SCFD1: variants seen among roughly 807,000 people sequenced by gnomAD.
SCFD1 encodes the protein sec1 family domain-containing protein 1.
SCFD1 carries 37 observed loss-of-function variants against 103.2 expected under a neutral mutation model. That is an observed-to-expected ratio of 0.36 (90% CI 0.28 to 0.47). SCFD1 has a LOEUF of 0.47. SCFD1 is among the 20% of genes least tolerant of loss of function. The pLI is 1.00. For synonymous variants in SCFD1, 264 were observed against 245.0 expected (o/e 1.08, Z -0.73); for missense variants, 639 against 761.2 (o/e 0.84, Z 1.89).
At chr14:30,698,823 G>A (rs1890876444) in intron 15 of SCFD1, among the ~76,000 whole-genome samples, 1 of 152,130 alleles carries the variant, frequency 6.6e-6, no homozygotes, top group African/African-American at 2.4e-5. Flanking sequence ...TCATAAAGTT[G>A]TTCATGAATT....
At chr14:30,670,993 A>C (rs1888485587) in intron 11 of SCFD1, among the ~76,000 whole-genome samples, 2 of 152,106 alleles carry the variant, frequency 1.3e-5, no homozygotes, top group Non-Finnish European at 2.9e-5. Context: ...TTATGGCTAG[A>C]GCCATCATTC....
chr14:30,717,295 GT>G (rs1892342726), intron 20 of SCFD1, among the ~76,000 whole-genome samples: 2 of 152,114 alleles, frequency 1.3e-5, no homozygotes, highest in African/African-American at 4.8e-5. Flanking sequence ...AGGCCATGTG[GT>G]GAAACCCTGT....
intron 21 of SCFD1, 67 bp from the exon 22 acceptor site, chr14:30,721,817 C>T: frequency 7.8e-7 from 1 of 1,288,024 alleles, no homozygotes; most frequent in Non-Finnish European, 1.1e-6. Flanking sequence ...TGTGTATTTC[C>T]CATACCTATT....
Position 30,649,528 on chromosome 14 carries a change from G to A in SCFD1, c.614G>A (p.Gly205Asp), listed in dbSNP as rs775683767. 5.1e-6 allele frequency: 8 copies of A among 1,575,434 alleles called. No homozygotes were observed. The highest frequency in any genetic ancestry group is 6.0e-6 in the Non-Finnish European group (7 of 1,164,024). The part of the protein sequence containing the change: ...DSLFCFFVTL[G>D]AVPIIRCSRG... The stretch of plus-strand genomic sequence containing the variant: ...TTTCTAACATTTATTGTTAAAATAG[G>A]TGCTGTTCCTATAATCAGATGTTCA... Residue 205 changes from glycine to aspartate, a missense_variant and splice_region_variant, in exon 8 of 25, where the codon GGT becomes GAT. Transcript: ENST00000458591.
chr14:30,634,994 T>C (rs561409779), intron 4 of SCFD1: 1 of 455,822 alleles, frequency 2.2e-6, no homozygotes, highest in African/African-American at 2.0e-5. Context: ...TCTAGCAAGA[T>C]TCTTTTAGCA....
intron 14 of SCFD1, among the ~76,000 whole-genome samples, chr14:30,680,344 GT>G (rs968105431): frequency 6.6e-6 from 1 of 151,730 alleles, no homozygotes; most frequent in African/African-American, 2.4e-5. Flanking sequence ...AGGATGTGGG[GT>G]TTTTTTTCTT....
chr14:30,693,441 C>T (rs1277071217), intron 14 of SCFD1, among the ~76,000 whole-genome samples: 4 of 152,112 alleles, frequency 2.6e-5, no homozygotes, highest in Admixed American at 6.5e-5. Context: ...ATCTATAAAA[C>T]TTTGGCCTTG....
At chr14:30,636,587 A>G (rs951273281) in intron 4 of SCFD1, among the ~76,000 whole-genome samples, 1 of 152,080 alleles carries the variant, frequency 6.6e-6, no homozygotes, top group Non-Finnish European at 1.5e-5. Context: ...ATTGATATCT[A>G]TGTCTTTCCT....
intron 23 of SCFD1, among the ~76,000 whole-genome samples, chr14:30,729,947 G>A (rs1175260959): frequency 2.0e-5 from 3 of 152,032 alleles, no homozygotes; most frequent in Non-Finnish European, 4.4e-5. Context: ...CCATGTTGGT[G>A]TGCTGCGCCC....
Position 30,735,629 on chromosome 14 carries a change from G to A in SCFD1, c.*20G>A, listed in dbSNP as rs367838319. 2 of 1,569,474 alleles carry A rather than the reference G, an allele frequency of 1.3e-6. No individual in the cohort carries two copies. Among genetic ancestry groups the A allele is most frequent in the East Asian group, 2.3e-5 (1 of 44,044 alleles). On this transcript the variant is annotated 3_prime_UTR_variant, in exon 25 of 25. Coordinates refer to ENST00000458591, the MANE Select transcript of SCFD1 (RefSeq NM_016106.4). ...AAGTAACACAGAAGAACCTTACTAT[G>A]ATAATCTACTTGGAATGTGGATAAA...
At chr14:30,668,492 A>C (rs1888227233) in intron 10 of SCFD1, among the ~76,000 whole-genome samples, 1 of 152,216 alleles carries the variant, frequency 6.6e-6, no homozygotes, top group Non-Finnish European at 1.5e-5. Flanking sequence ...GGCATGGGCA[A>C]GGACTTCATG....
At chr14:30,659,179 T>G (rs1467241391) in intron 10 of SCFD1, among the ~76,000 whole-genome samples, 1 of 151,530 alleles carries the variant, frequency 6.6e-6, no homozygotes, top group Non-Finnish European at 1.5e-5. Context: ...TATAGTTTTT[T>G]TTTTTTTTTT....
intron 10 of SCFD1, among the ~76,000 whole-genome samples, chr14:30,656,864 A>T (rs576282190): frequency 2.2e-4 from 34 of 152,242 alleles, no homozygotes; most frequent in African/African-American, 7.7e-4. Context: ...TTTGCTGATG[A>T]CTGAGTATGG....
Position 30,653,519 on chromosome 14 carries a change from C to G in SCFD1, c.786C>G (p.Asp262Glu). The G allele has an allele frequency of 1.2e-6, 2 of 1,613,448 alleles. No homozygotes were observed. The highest frequency in any genetic ancestry group is 1.7e-6 in the Non-Finnish European group (2 of 1,179,566). The change falls in exon 10 of 25, where the codon GAC becomes GAG. Residue 262 changes from aspartate (D) to glutamate (E), a missense_variant. Physicochemically the swap from Asp to Glu is conservative, Grantham distance 45. Transcript: ENST00000458591. The part of the protein sequence containing the change: ...SFQRPLLVLV[D>E]RNIDLATPLH... Reference sequence around the variant, plus strand: ...AGAGGCCCTTATTAGTCCTTGTTGACAGAAACATAGATTTGGCAACTCCTT... The same window carrying G: ...AGAGGCCCTTATTAGTCCTTGTTGAGAGAAACATAGATTTGGCAACTCCTT...
intron 19 of SCFD1, among the ~76,000 whole-genome samples, chr14:30,713,666 A>G (rs1338974113): frequency 6.6e-6 from 1 of 152,190 alleles, no homozygotes; most frequent in East Asian, 1.9e-4. Context: ...TATGACCCTT[A>G]TGGTTTATCA....
At chr14:30,733,515 C>G (rs537149326) in intron 23 of SCFD1, among the ~76,000 whole-genome samples, 66 of 152,212 alleles carry the variant, frequency 4.3e-4, no homozygotes, top group Middle Eastern at 6.8e-3. Flanking sequence ...GGGGACTGTA[C>G]AAGTCAGGAT....
intron 21 of SCFD1, among the ~76,000 whole-genome samples, chr14:30,719,837 C>A (rs1892533166): frequency 6.6e-6 from 1 of 151,708 alleles, no homozygotes; most frequent in Admixed American, 6.6e-5. Context: ...TAAATAAATT[C>A]TGCATTTTAT....
chr14:30,732,411 C>T (rs1463650094), intron 23 of SCFD1, among the ~76,000 whole-genome samples: 5 of 152,182 alleles, frequency 3.3e-5, no homozygotes, highest in Non-Finnish European at 7.4e-5. Context: ...TATTTTATTA[C>T]ATTATTCATA....
At chr14:30,716,033 T>G in intron 20 of SCFD1, 56 bp downstream of exon 20, 1 of 941,940 alleles carries the variant, frequency 1.1e-6, no homozygotes, top group Non-Finnish European at 1.7e-6. Context: ...AACTGACTAG[T>G]ATGAAAGAGG....
Sources: gnomAD v4.1 joint callset for allele counts (sites outside exome capture counted in the v4.1 genomes callset) on GRCh38, gnomAD v4.1.1 for gene constraint, MANE v1.5 for transcripts, NCBI Gene and HGNC (gene_info 2026-07-23, HGNC 2026-07-21) for gene names.